DUSP18: variants seen among roughly 807,000 people sequenced by gnomAD.
DUSP18 encodes dual specificity phosphatase 18.
In DUSP18, 4 loss-of-function variants were observed where a neutral mutation model predicts 6.3. The observed-to-expected ratio is 0.63, with a 90% CI of 0.31 to 1.45. The LOEUF is 1.45. DUSP18 is among the 40% of genes most tolerant of loss of function. The pLI is 0.07. For missense variants in DUSP18, 235 were observed against 247.7 expected (o/e 0.95, Z 0.34); for synonymous variants, 96 against 95.1 (o/e 1.01, Z -0.05).
intron 2 of DUSP18, among the ~76,000 whole-genome samples, chr22:30,652,515 G>A (rs970719906): frequency 3.3e-5 from 5 of 152,196 alleles, no homozygotes; most frequent in Admixed American, 6.5e-5. Context: ...AAGTTTCTCC[G>A]AATGTTAGTT....
chr22:30,660,129 C>T (rs1446381169), downstream of DUSP18, among the ~76,000 whole-genome samples: 1 of 152,188 alleles, frequency 6.6e-6, no homozygotes, highest in African/African-American at 2.4e-5. Context: ...CCGTATGAAA[C>T]GTGATTTGGA....
intron 1 of DUSP18, 105 bp from the exon 2 acceptor site, chr22:30,664,185 C>T (rs550808397): frequency 4.9e-6 from 3 of 614,360 alleles, no homozygotes; most frequent in African/African-American, 1.8e-5. Flanking sequence ...CCAAGGCAGT[C>T]CTCTGACCAT....
chr22:30,653,270 T>C (rs2088260237), intron 2 of DUSP18, among the ~76,000 whole-genome samples: 1 of 152,108 alleles, frequency 6.6e-6, no homozygotes, highest in South Asian at 2.1e-4. Context: ...CTTCGGCTAT[T>C]GGGGGGCCAC....
At chr22:30,653,273 G>C (rs1341664004) in intron 2 of DUSP18, among the ~76,000 whole-genome samples, 1 of 152,064 alleles carries the variant, frequency 6.6e-6, no homozygotes, top group African/African-American at 2.4e-5. Flanking sequence ...CGGCTATTGG[G>C]GGGCCACCCT....
chr22:30,667,399 A>G (rs2088714529), intron 1 of DUSP18, 63 bp downstream of exon 1: 1 of 152,290 alleles, frequency 6.6e-6, no homozygotes, highest in Admixed American at 6.5e-5. Flanking sequence ...TAGGTTTCCT[A>G]GGGGAGCTGG....
intron 2 of DUSP18, among the ~76,000 whole-genome samples, chr22:30,653,056 C>A (rs2088254759): frequency 6.6e-6 from 1 of 152,198 alleles, no homozygotes; most frequent in South Asian, 2.1e-4. Flanking sequence ...GGGGTCTTGT[C>A]AGCCACACCT....
intron 2 of DUSP18, among the ~76,000 whole-genome samples, chr22:30,652,732 T>G (rs143573233): frequency 7.9e-5 from 12 of 152,338 alleles, no homozygotes; most frequent in Middle Eastern, 3.4e-3. Context: ...TTGAGTGTCC[T>G]CAACACATAG....
At chr22:30,655,443 AAAAAAG>A (rs2088319722) in intron 2 of DUSP18, among the ~76,000 whole-genome samples, 3 of 151,416 alleles carry the variant, frequency 2.0e-5, no homozygotes, top group Non-Finnish European at 1.5e-5. Flanking sequence ...AAAAAAAAAA[AAAAAAG>A]AAAAAGAAAA....
In DUSP18 at chr22:30,662,792, G is replaced by C. The variant is rs931129102; in HGVS notation, c.*645C>G. The C allele has an allele frequency of 2.6e-5, 4 of 152,294 alleles. No homozygotes were observed. Among genetic ancestry groups the C allele is most frequent in the African/African-American group, 9.7e-5 (4 of 41,426 alleles). 9.4% of individuals were successfully genotyped at this position (152,294 alleles called of 1,614,324 possible). A position where few individuals can be genotyped will look rare whatever the true frequency, so the allele number is the denominator to read the frequency against. On this transcript the variant is annotated 3_prime_UTR_variant, in exon 2 of 2. Transcript: ENST00000334679. ...TACAGTGAGCCATGATCACACTACT[G>C]CACTCTAGGATGGGTGACAGAGCAG...
chr22:30,657,772 C>T (rs1481360890), downstream of DUSP18, among the ~76,000 whole-genome samples: 1 of 151,292 alleles, frequency 6.6e-6, no homozygotes, highest in Non-Finnish European at 1.5e-5. Flanking sequence ...GGTGTGGTGG[C>T]GGGCACCTGT....
downstream of DUSP18, among the ~76,000 whole-genome samples, chr22:30,659,618 A>C (rs1456959947): frequency 2.0e-5 from 3 of 152,292 alleles, no homozygotes; most frequent in East Asian, 3.9e-4. Context: ...GTGATCCACC[A>C]GCCTCAACCT....
At chr22:30,656,061 C>T (rs895774813) in intron 2 of DUSP18, among the ~76,000 whole-genome samples, 5 of 151,958 alleles carry the variant, frequency 3.3e-5, no homozygotes, top group Non-Finnish European at 7.4e-5. Context: ...CAGCCTCAAC[C>T]TCCTTGGGCT....
At chr22:30,666,024 T>C (rs1006152888) in intron 1 of DUSP18, among the ~76,000 whole-genome samples, 2 of 152,128 alleles carry the variant, frequency 1.3e-5, no homozygotes, top group African/African-American at 4.8e-5. Context: ...TGCCCCAGAC[T>C]CAAATGCATC....
At chr22:30,658,880 C>G (rs1415431405), downstream of DUSP18, among the ~76,000 whole-genome samples, 2 of 152,112 alleles carry the variant, frequency 1.3e-5, no homozygotes, top group African/African-American at 4.8e-5. Flanking sequence ...CGCGGTGGCT[C>G]ACGCCTGTAA....
chr22:30,656,440 G>A (rs1271819419), intron 2 of DUSP18, among the ~76,000 whole-genome samples: 1 of 152,078 alleles, frequency 6.6e-6, no homozygotes, highest in East Asian at 1.9e-4. Context: ...TATCTGACAG[G>A]GCATTATAAA....
chr22:30,660,873 T>A (rs1430628531), downstream of DUSP18, among the ~76,000 whole-genome samples: 1 of 151,080 alleles, frequency 6.6e-6, no homozygotes, highest in Admixed American at 6.6e-5. Context: ...GGAGTCTTGC[T>A]CTGTTGCCCA....
In DUSP18 at chr22:30,663,465, T is replaced by C. The variant is rs2088541474; in HGVS notation, c.539A>G (p.Lys180Arg). The C allele has an allele frequency of 6.2e-7, 1 of 1,612,030 alleles. No homozygotes were observed. Among genetic ancestry groups the C allele is most frequent in the Non-Finnish European group, 8.5e-7 (1 of 1,178,220 alleles). Reference sequence around the variant, plus strand: ...CAGTGGAATCATCAAACGGACTTCCTTCTCATAGATGTCAGGGATCATTCC... The same window carrying C: ...CAGTGGAATCATCAAACGGACTTCCCTCTCATAGATGTCAGGGATCATTCC... Reference protein sequence around the residue: ...PVGMIPDIYEKEVRLMIPL With the variant: ...PVGMIPDIYEREVRLMIPL Residue 180 changes from lysine (K) to arginine (R), a missense_variant, in exon 2 of 2, where the codon AAG (lysine) becomes AGG (arginine). By Grantham distance (26) the Lys-to-Arg change is conservative. Transcript: ENST00000334679.
rs2088545106 is a variant in DUSP18, at chr22:30,663,516, G to A, written c.488C>T (p.Thr163Ile). The A allele has an allele frequency of 3.1e-6, 5 of 1,614,230 alleles. No homozygotes were observed. Among genetic ancestry groups the A allele is most frequent in the Non-Finnish European group, 2.5e-6 (3 of 1,180,044 alleles). ...HYEFQLFGKN[T>I]VHMVSSPVGM... is the part of the protein sequence containing the mutation. ...CACTGGGGAACTGACCATGTGCACAGTGTTCTTGCCAAACAATTGGAACTC... is the reference window on the plus strand; with the variant it reads ...CACTGGGGAACTGACCATGTGCACAATGTTCTTGCCAAACAATTGGAACTC... The change falls in exon 2 of 2, where the codon ACT becomes ATT. Residue 163 changes from threonine (T) to isoleucine (I), a missense_variant. Coordinates refer to ENST00000334679, the MANE Select transcript of DUSP18 (RefSeq NM_152511.5).
chr22:30,658,145 C>T (rs1313325494), downstream of DUSP18, among the ~76,000 whole-genome samples: 7 of 151,162 alleles, frequency 4.6e-5, no homozygotes, highest in East Asian at 3.9e-4. Context: ...CTGAATCTCT[C>T]GGGGTTCTAG....
Sources: allele counts gnomAD v4.1 joint callset (sites outside exome capture counted in the v4.1 genomes callset), GRCh38; gene constraint gnomAD v4.1.1; transcripts MANE v1.5; gene names NCBI Gene and HGNC (gene_info 2026-07-23, HGNC 2026-07-21).